CCDC171: variants seen among roughly 807,000 people sequenced by gnomAD.
CCDC171 encodes coiled-coil domain-containing protein 171.
In CCDC171, 177 loss-of-function variants were observed where a neutral mutation model predicts 168.2. The observed-to-expected ratio is 1.05, with a 90% CI of 0.93 to 1.19. CCDC171 has a LOEUF of 1.19. Among genes scored for constraint, CCDC171 ranks in the 50% most tolerant of loss-of-function variants. CCDC171 has a pLI of 0.00. For missense variants in CCDC171, 1,991 were observed against 1,539.0 expected, an observed-to-expected ratio of 1.29 and a Z score of -4.91; for synonymous variants, 687 against 540.8, an observed-to-expected ratio of 1.27 and a Z score of -3.75.
At chr9:15,573,887 C>A (rs2040429449) in intron 3 of CCDC171, among the ~76,000 whole-genome samples, 1 of 151,666 alleles carries the variant, frequency 6.6e-6, no homozygotes, top group African/African-American at 2.4e-5. Context: ...TGAGTGAGAC[C>A]CTGTATCTAC....
intron 16 of CCDC171, among the ~76,000 whole-genome samples, chr9:15,739,067 T>A (rs2134504578): frequency 6.6e-6 from 1 of 152,304 alleles, no homozygotes; most frequent in South Asian, 2.1e-4. Context: ...AGAGTAGATA[T>A]ACACACATGA....
intron 7 of CCDC171, among the ~76,000 whole-genome samples, chr9:15,641,912 C>A (rs1256790705): frequency 6.6e-6 from 1 of 152,060 alleles, no homozygotes; most frequent in African/African-American, 2.4e-5. Context: ...GCCTGTAATC[C>A]CAGCACTTTG....
Position 16,006,071 on chromosome 9 carries a change from A to G in CCDC171, n.369-14518A>G, listed in dbSNP as rs538877224. On this transcript the variant is annotated intron_variant and non_coding_transcript_variant, in intron 3 of 9. Coordinates refer to the CCDC171 transcript ENST00000486641. ...GAGATGGGGTTTCACCATTTTGACCAGGCTGGTCTCGAACTCCTGACCTCA... is the reference window on the plus strand; with the variant it reads ...GAGATGGGGTTTCACCATTTTGACCGGGCTGGTCTCGAACTCCTGACCTCA... Among the ~76,000 whole-genome samples, 5 of 152,254 alleles carry G rather than the reference A, an allele frequency of 3.3e-5. No homozygotes were observed. The South Asian group carries it at 1.0e-3, about 32-fold the overall frequency.
intron 21 of CCDC171, among the ~76,000 whole-genome samples, chr9:15,833,993 C>T (rs1324699133): frequency 4.6e-5 from 7 of 152,142 alleles, no homozygotes; most frequent in Admixed American, 3.3e-4. Flanking sequence ...GAATGCACTA[C>T]AAAAATGACC....
chr9:15,673,671 A>T lies in CCDC171; in HGVS notation c.1077-5087A>T, dbSNP rs564527826. ...ACATTTATTCATTTGCATATATTGA[A>T]CCAGCTTTGCATCCCAGGGATGAAG... is the stretch of plus-strand genomic sequence containing the variant. On this transcript the variant is annotated intron_variant, in intron 9 of 25. Transcript: ENST00000380701. 4.1e-4 allele frequency among the ~76,000 whole-genome samples: 62 copies of T among 152,236 alleles called. 2 individuals carry two copies. Among genetic ancestry groups the T allele is most frequent in the African/African-American group, 1.4e-3 (59 of 41,538 alleles).
chr9:16,039,311 G>A (rs1455068267), upstream of CCDC171, among the ~76,000 whole-genome samples: 1 of 152,142 alleles, frequency 6.6e-6, no homozygotes, highest in Non-Finnish European at 1.5e-5. Context: ...ACTCAGGGAG[G>A]GGGTGATTTT....
At chr9:15,715,224 G>T (rs1179461046) in intron 11 of CCDC171, among the ~76,000 whole-genome samples, 1 of 152,228 alleles carries the variant, frequency 6.6e-6, no homozygotes, top group East Asian at 1.9e-4. Flanking sequence ...GACGTAGTTA[G>T]AGAGTGAGAA....
intron 3 of CCDC171, among the ~76,000 whole-genome samples, chr9:16,002,382 CTTTG>C (rs1832577357): frequency 6.6e-6 from 1 of 151,382 alleles, no homozygotes; most frequent in South Asian, 2.1e-4. Context: ...GTGTTTGTGT[CTTTG>C]TTTTTTAACA....
chr9:16,033,517 C>T (rs1833404596), intron 6 of CCDC171, among the ~76,000 whole-genome samples: 1 of 152,228 alleles, frequency 6.6e-6, no homozygotes, highest in African/African-American at 2.4e-5. Flanking sequence ...TGTCTCCCAT[C>T]ACCCCCAGAT....
chr9:15,676,244 C>G (rs1323905189), intron 9 of CCDC171, among the ~76,000 whole-genome samples: 1 of 152,148 alleles, frequency 6.6e-6, no homozygotes, highest in Non-Finnish European at 1.5e-5. Context: ...AAGTTCTTCT[C>G]TACACTGCTT....
chr9:16,024,192 G>A (rs1214873854), intron 6 of CCDC171, among the ~76,000 whole-genome samples: 1 of 151,984 alleles, frequency 6.6e-6, no homozygotes, highest in Non-Finnish European at 1.5e-5. Context: ...ACTTATTTTG[G>A]ACTTCTGACC....
At chr9:15,936,026 A>G (rs1161367942) in intron 25 of CCDC171, among the ~76,000 whole-genome samples, 2 of 152,042 alleles carry the variant, frequency 1.3e-5, no homozygotes, top group African/African-American at 2.4e-5. Context: ...AAAGTCATCA[A>G]CATAGTTACT....
At chr9:15,615,547 T>C (rs981776398) in intron 6 of CCDC171, among the ~76,000 whole-genome samples, 3 of 152,204 alleles carry the variant, frequency 2.0e-5, no homozygotes, top group African/African-American at 7.2e-5. Flanking sequence ...TGGCAAGTAA[T>C]ATTAAATATA....
intron 25 of CCDC171, among the ~76,000 whole-genome samples, chr9:15,968,821 G>A (rs1831066524): frequency 6.6e-6 from 1 of 152,134 alleles, no homozygotes; most frequent in Non-Finnish European, 1.5e-5. Flanking sequence ...TTACAAGTGT[G>A]AGCCACCATC....
At chr9:15,903,866 G>A (rs1822095562) in intron 24 of CCDC171, among the ~76,000 whole-genome samples, 1 of 152,222 alleles carries the variant, frequency 6.6e-6, no homozygotes, top group East Asian at 1.9e-4. Context: ...GGCACGAGAG[G>A]TACGTGACGA....
chr9:15,925,686 A>G (rs1351531352), intron 25 of CCDC171, among the ~76,000 whole-genome samples: 1 of 151,654 alleles, frequency 6.6e-6, no homozygotes, highest in African/African-American at 2.4e-5. Flanking sequence ...ACTGATAAAG[A>G]AAACAGTGGA....
At chr9:15,888,416 G>T (rs1167850931) in intron 24 of CCDC171, among the ~76,000 whole-genome samples, 2 of 152,110 alleles carry the variant, frequency 1.3e-5, no homozygotes, top group Admixed American at 1.3e-4. Context: ...GTAAATTCAT[G>T]CCATACACTA....
downstream of CCDC171, among the ~76,000 whole-genome samples, chr9:16,066,178 C>G (rs1319053065): frequency 1.3e-5 from 2 of 152,190 alleles, no homozygotes; most frequent in Non-Finnish European, 2.9e-5. Context: ...TTCTCGGTCA[C>G]TCTTCCTTGT....
At chr9:16,106,475 C>G in the CCDC171 span, among the ~76,000 whole-genome samples, 9 of 152,272 alleles carry the variant, frequency 5.9e-5, no homozygotes, top group African/African-American at 2.2e-4. Flanking sequence ...AATTCCGGAG[C>G]TAAAGGCAGC....
Sources: gnomAD v4.1 joint callset for allele counts (sites outside exome capture counted in the v4.1 genomes callset) on GRCh38, gnomAD v4.1.1 for gene constraint, MANE v1.5 for transcripts, NCBI Gene and HGNC (gene_info 2026-07-23, HGNC 2026-07-21) for gene names.